Variants in TENM1 observed in about 807,000 individuals in gnomAD.
TENM1 encodes the protein teneurin transmembrane protein 1, also known as teneurin-1.
Under a neutral mutation model 174.8 loss-of-function variants are expected in TENM1, and 35 were observed. The observed-to-expected ratio is 0.20, with a 90% CI of 0.15 to 0.27. TENM1 has a LOEUF of 0.27. Among genes scored for constraint, TENM1 ranks in the 10% least tolerant of loss-of-function variants. The pLI is 1.00. For synonymous variants in TENM1, 781 were observed against 798.7 expected (o/e 0.98, Z 0.37); for missense variants, 1,633 against 2,130.1 (o/e 0.77, Z 4.59).
chrX:125,031,126 G>T, the TENM1 span, among the ~76,000 whole-genome samples: 1 of 109,726 alleles, frequency 9.1e-6, no homozygotes, highest in African/African-American at 3.3e-5. Context: ...CCCACTCTAA[G>T]TAGTCCCCAG....
chrX:124,957,065 A>C (rs1428621189), intron 1 of TENM1, among the ~76,000 whole-genome samples: 1 of 112,187 alleles, frequency 8.9e-6, no homozygotes, highest in Non-Finnish European at 1.9e-5. Context: ...GCAAAAAGAG[A>C]GAAAATCATA....
At chrX:124,801,535 A>T (rs2055450087) in intron 3 of TENM1, among the ~76,000 whole-genome samples, 2 of 111,681 alleles carry the variant, frequency 1.8e-5, no homozygotes, top group African/African-American at 6.5e-5. Flanking sequence ...TTGACTCTTT[A>T]TCCAATTTGC....
chrX:125,122,366 G>A, the TENM1 span, among the ~76,000 whole-genome samples: 1 of 111,144 alleles, frequency 9.0e-6, no homozygotes, highest in African/African-American at 3.3e-5. Context: ...CACAAGAGAG[G>A]GAGTATAGGG....
chrX:124,982,444 C>T, the TENM1 span, among the ~76,000 whole-genome samples: 4 of 111,260 alleles, frequency 3.6e-5, no homozygotes, highest in East Asian at 5.7e-4. Context: ...ATCTAATCTT[C>T]GCAAGAGTGT....
the TENM1 span, among the ~76,000 whole-genome samples, chrX:124,986,150 C>T: frequency 9.0e-6 from 1 of 111,543 alleles, no homozygotes; most frequent in African/African-American, 3.3e-5. Flanking sequence ...TGTATTCCCT[C>T]ATCCTTGATC....
chrX:125,202,953 G>T, the TENM1 span, among the ~76,000 whole-genome samples: 1 of 112,182 alleles, frequency 8.9e-6, no homozygotes, highest in Admixed American at 9.4e-5. Flanking sequence ...TATGCTGGCC[G>T]TTGCTGAATC....
intron 1 of TENM1, among the ~76,000 whole-genome samples, chrX:124,929,855 A>G (rs1301253809): frequency 8.9e-6 from 1 of 112,064 alleles, no homozygotes; most frequent in African/African-American, 3.2e-5. Context: ...TAAAAACCCT[A>G]TTTTCAAAGT....
intron 4 of TENM1, among the ~76,000 whole-genome samples, chrX:124,713,807 G>A (rs1390327628): frequency 1.8e-5 from 2 of 112,013 alleles, no homozygotes; most frequent in Admixed American, 9.5e-5. Flanking sequence ...AAGGAACAAA[G>A]GTTGGGTAGT....
chrX:124,575,995 T>G (rs2049157492), intron 11 of TENM1, among the ~76,000 whole-genome samples: 1 of 112,046 alleles, frequency 8.9e-6, no homozygotes, highest in African/African-American at 3.2e-5. Context: ...ATCTAGACAT[T>G]TGCTTATCAT....
chrX:124,390,976 C>T (rs1406756839), intron 28 of TENM1, among the ~76,000 whole-genome samples: 1 of 112,266 alleles, frequency 8.9e-6, no homozygotes, highest in African/African-American at 3.2e-5. Flanking sequence ...TCCTTTTGCC[C>T]TGGCTCCCAA....
chrX:124,980,374 G>T, the TENM1 span, among the ~76,000 whole-genome samples: 1 of 110,607 alleles, frequency 9.0e-6, no homozygotes, highest in Non-Finnish European at 1.9e-5. Flanking sequence ...ACATATAATG[G>T]GGTTAACTCA....
At chrX:124,655,959 C>A (rs1339308601) in intron 6 of TENM1, among the ~76,000 whole-genome samples, 3 of 112,073 alleles carry the variant, frequency 2.7e-5, no homozygotes, top group Non-Finnish European at 5.6e-5. Context: ...AATGAGCAGA[C>A]AATTAACAGA....
intron 3 of TENM1, among the ~76,000 whole-genome samples, chrX:124,857,933 A>G (rs1444469583): frequency 9.0e-6 from 1 of 111,625 alleles, no homozygotes; most frequent in African/African-American, 3.2e-5. Flanking sequence ...TCCATACTTC[A>G]AGATAAAATT....
At chrX:124,945,689 G>C (rs767689096) in intron 1 of TENM1, among the ~76,000 whole-genome samples, 270 of 111,224 alleles carry the variant, frequency 2.4e-3, no homozygotes, top group African/African-American at 8.4e-3. Flanking sequence ...AGAAAAAGTC[G>C]GAGGAGCAGA....
rs182917981 is a variant in TENM1 at position 124,514,828 on chromosome X, A to G, written c.3301+5689T>C. The stretch of plus-strand genomic sequence containing the variant: ...AATTATTCCAAAAAATTGAGGAGGG[A>G]ATCCTCCCCAACTCATTCTATGAGG... On this transcript the variant is annotated intron_variant, in intron 18 of 31. Coordinates refer to ENST00000422452, the Ensembl canonical transcript of TENM1. Among the ~76,000 whole-genome samples, 6 of 110,935 alleles carry G rather than the reference A, an allele frequency of 5.4e-5. No homozygotes were observed. In the East Asian group the frequency reaches 1.7e-3, roughly 32 times the overall value.
intron 15 of TENM1, among the ~76,000 whole-genome samples, chrX:124,542,361 C>T (rs1042973282): frequency 3.6e-5 from 4 of 111,004 alleles, no homozygotes; most frequent in Non-Finnish European, 7.5e-5. Flanking sequence ...CTAGGGTGAA[C>T]CAAGAAACTG....
chrX:124,541,957 GC>G (rs1434434545), intron 15 of TENM1, among the ~76,000 whole-genome samples: 2 of 111,882 alleles, frequency 1.8e-5, no homozygotes, highest in Admixed American at 9.5e-5. Flanking sequence ...CACTCTTGGA[GC>G]CCTAGGCTAC....
intron 15 of TENM1, among the ~76,000 whole-genome samples, chrX:124,530,332 T>A (rs2048077330): frequency 1.8e-5 from 2 of 110,926 alleles, no homozygotes; most frequent in Non-Finnish European, 1.9e-5. Context: ...TTTCGGACAT[T>A]TTGTTGTTTC....
chrX:124,580,039 T>C (rs778828362), intron 11 of TENM1, among the ~76,000 whole-genome samples: 2 of 111,523 alleles, frequency 1.8e-5, no homozygotes, highest in South Asian at 3.8e-4. Flanking sequence ...GATTCTATTA[T>C]TGGAGCTTAC....
Sources: allele counts gnomAD v4.1 joint callset (sites outside exome capture counted in the v4.1 genomes callset), GRCh38; gene constraint gnomAD v4.1.1; transcripts MANE v1.5; gene names NCBI Gene and HGNC (gene_info 2026-07-23, HGNC 2026-07-21).